AHI1: variants seen among roughly 807,000 people sequenced by gnomAD.
The protein encoded by AHI1 is jouberin.
A neutral mutation model predicts 149.3 loss-of-function variants in AHI1; 123 were observed. The observed-to-expected ratio is 0.82, with a 90% CI of 0.71 to 0.96. AHI1 has a LOEUF of 0.96. Ranked by LOEUF, AHI1 falls within the 40% of genes least tolerant of loss-of-function variation. The pLI is 0.00. For synonymous variants in AHI1, 475 were observed against 459.8 expected, an observed-to-expected ratio of 1.03 and a Z score of -0.42; for missense variants, 1,439 against 1,422.7, an observed-to-expected ratio of 1.01 and a Z score of -0.18.
intron 24 of AHI1, among the ~76,000 whole-genome samples, chr6:135,352,388 T>C (rs1015545471): frequency 2.0e-5 from 3 of 152,242 alleles, no homozygotes; most frequent in South Asian, 2.1e-4. Context: ...ACAGTGTGTC[T>C]TTCTATAATC....
intron 24 of AHI1, among the ~76,000 whole-genome samples, chr6:135,355,697 G>C (rs971869087): frequency 6.6e-6 from 1 of 152,072 alleles, no homozygotes; most frequent in African/African-American, 2.4e-5. Flanking sequence ...TCAGGAGTTT[G>C]AGGCCAGCCT....
rs1181159671 is a variant in AHI1 at position 135,463,138 on chromosome 6, CT to C, written c.917del (p.Lys306ArgfsTer21). 2 of 1,576,814 alleles carry C rather than the reference CT, an allele frequency of 1.3e-6. No individual in the cohort carries two copies. Among genetic ancestry groups the C allele is most frequent in the Non-Finnish European group, 8.6e-7 (1 of 1,163,680 alleles). ...DTKPKPKKTKKKTKAVADNNE... is the reference protein window; with the variant it reads ...DTKPKPKKTKXKTKAVADNNE... ...TGTATAGCAAACCTGCTTTAGTCTT[CT>C]TTTTTGTTTTTTTTGGTTTAGGTTT... is the stretch of plus-strand genomic sequence containing the variant. On this transcript the variant is annotated frameshift_variant, in exon 8 of 29. Transcript: ENST00000265602. LOFTEE classifies it high-confidence loss of function.
intron 24 of AHI1, among the ~76,000 whole-genome samples, chr6:135,339,704 A>G (rs1562531094): frequency 1.3e-5 from 2 of 152,232 alleles, no homozygotes; most frequent in African/African-American, 4.8e-5. Context: ...CATCAAATGT[A>G]CCAACATATG....
intron 21 of AHI1, 59 bp from the exon 22 acceptor site, chr6:135,405,036 T>C (rs1202588720): frequency 1.4e-6 from 2 of 1,398,146 alleles, no homozygotes; most frequent in Non-Finnish European, 2.0e-6. Flanking sequence ...ATTGACTGTT[T>C]GCAAAACACT....
chr6:135,434,792 G>T (rs1305374671), intron 15 of AHI1, among the ~76,000 whole-genome samples: 1 of 151,960 alleles, frequency 6.6e-6, no homozygotes, highest in Non-Finnish European at 1.5e-5. Flanking sequence ...CTAGATTTGG[G>T]AAAGAAAAAA....
At chr6:135,465,191 A>G (rs528518590) in intron 7 of AHI1, among the ~76,000 whole-genome samples, 3 of 152,308 alleles carry the variant, frequency 2.0e-5, no homozygotes, top group East Asian at 1.9e-4. Context: ...GCAGGGGGGA[A>G]CAAAGTTAAT....
In AHI1 at chr6:135,431,220, C is replaced by A. The variant is rs863225146; in HGVS notation, c.2361G>T (p.Trp787Cys). ...TATGATTTTATACCTTATTTATAGT[C>A]CAGTGGTGCACTGAATGTTCCAAAT... is the stretch of plus-strand genomic sequence containing the variant. ...INDLEHSVHH[W>C]TINKEIKETE... Residue 787 changes from tryptophan to cysteine, a missense_variant, in exon 17 of 29, where the codon TGG (tryptophan) becomes TGT (cysteine). Transcript: ENST00000265602. 1 of 1,590,358 alleles carries A rather than the reference C, an allele frequency of 6.3e-7. No individual in the cohort carries two copies. Among genetic ancestry groups the A allele is most frequent in the East Asian group, 2.3e-5 (1 of 44,306 alleles).
chr6:135,343,024 A>G (rs972237430), intron 24 of AHI1, among the ~76,000 whole-genome samples: 3 of 151,760 alleles, frequency 2.0e-5, no homozygotes, highest in African/African-American at 7.2e-5. Flanking sequence ...AATCTCAAAG[A>G]ACTGATCCCC....
chr6:135,446,702 G>A (rs770429736), intron 13 of AHI1, among the ~76,000 whole-genome samples: 10 of 152,228 alleles, frequency 6.6e-5, no homozygotes, highest in East Asian at 1.9e-4. Context: ...TGGACTTCTC[G>A]GCCTCCAGAA....
At chr6:135,353,285 A>C (rs1024722126) in intron 24 of AHI1, among the ~76,000 whole-genome samples, 1 of 152,124 alleles carries the variant, frequency 6.6e-6, no homozygotes, top group African/African-American at 2.4e-5. Context: ...AAGTTATAAA[A>C]GCTTATAGTT....
At chr6:135,396,657 C>A (rs1401079031) in intron 22 of AHI1, among the ~76,000 whole-genome samples, 5 of 151,810 alleles carry the variant, frequency 3.3e-5, no homozygotes. Flanking sequence ...ATATTTATCA[C>A]TTAACTATTT....
intron 20 of AHI1, among the ~76,000 whole-genome samples, chr6:135,417,529 C>T (rs1782556771): frequency 6.6e-6 from 1 of 151,860 alleles, no homozygotes; most frequent in African/African-American, 2.4e-5. Flanking sequence ...AAAAGCAGAG[C>T]CTAATTATTT....
chr6:135,422,798 C>T (rs748350778), intron 20 of AHI1, among the ~76,000 whole-genome samples: 25 of 151,732 alleles, frequency 1.6e-4, no homozygotes, highest in Non-Finnish European at 3.2e-4. Context: ...CCACCCCCCA[C>T]ATTTTTAAGG....
intron 5 of AHI1, among the ~76,000 whole-genome samples, chr6:135,481,532 A>G (rs1793640729): frequency 6.6e-6 from 1 of 152,044 alleles, no homozygotes; most frequent in African/African-American, 2.4e-5. Flanking sequence ...ATTTCAGATT[A>G]GGGACACTCA....
chr6:135,337,671 A>T (rs1789600143), intron 24 of AHI1, among the ~76,000 whole-genome samples: 1 of 150,576 alleles, frequency 6.6e-6, no homozygotes, highest in Non-Finnish European at 1.5e-5. Flanking sequence ...CTGAGGTAGG[A>T]GGACTGCTTG....
intron 24 of AHI1, among the ~76,000 whole-genome samples, chr6:135,342,758 A>G (rs1324286983): frequency 6.6e-6 from 1 of 151,882 alleles, no homozygotes; most frequent in East Asian, 1.9e-4. Flanking sequence ...CTGATAATAT[A>G]TAATAACCTG....
intron 24 of AHI1, among the ~76,000 whole-genome samples, chr6:135,336,214 C>G (rs977658809): frequency 1.3e-5 from 2 of 151,846 alleles, no homozygotes; most frequent in African/African-American, 4.8e-5. Context: ...GACAGTGGTC[C>G]CATATGATAA....
At chr6:135,483,687 A>G (rs1349783116) in intron 5 of AHI1, among the ~76,000 whole-genome samples, 1 of 152,186 alleles carries the variant, frequency 6.6e-6, no homozygotes, top group Non-Finnish European at 1.5e-5. Context: ...TAAAATAATA[A>G]GCAGTTTATT....
At chr6:135,355,902 AAAACAAAC>A (rs144981184) in intron 24 of AHI1, among the ~76,000 whole-genome samples, 1,785 of 151,424 alleles carry the variant, frequency 0.012, 39 homozygotes, top group African/African-American at 0.042. Flanking sequence ...CTGTCTCAAA[AAAACAAAC>A]AAACAAACAA....
Sources: gnomAD v4.1 joint callset for allele counts (sites outside exome capture counted in the v4.1 genomes callset) on GRCh38, gnomAD v4.1.1 for gene constraint, MANE v1.5 for transcripts, NCBI Gene and HGNC (gene_info 2026-07-23, HGNC 2026-07-21) for gene names.